The following PHKB variants were observed in gnomAD, a reference collection of about 807,000 sequenced individuals.
The protein encoded by PHKB is phosphorylase b kinase regulatory subunit beta.
In PHKB, 122 loss-of-function variants were observed where a neutral mutation model predicts 152.1. The observed-to-expected ratio is 0.80, with a 90% CI of 0.69 to 0.93. The LOEUF (loss-of-function observed/expected upper bound fraction) is 0.93. Among genes scored for constraint, PHKB ranks in the 40% least tolerant of loss-of-function variants. PHKB has a pLI of 0.00. For synonymous variants in PHKB, 436 were observed against 464.9 expected, an observed-to-expected ratio of 0.94 and a Z score of 0.80; for missense variants, 1,304 against 1,328.4, an observed-to-expected ratio of 0.98 and a Z score of 0.29.
At chr16:47,491,704 T>C (rs539493116) in intron 1 of PHKB, among the ~76,000 whole-genome samples, 2 of 152,296 alleles carry the variant, frequency 1.3e-5, no homozygotes, top group East Asian at 3.9e-4. Context: ...TGAAGTAATT[T>C]CTGATACTCC....
At chr16:47,607,908 G>A (rs1360761215) in intron 13 of PHKB, among the ~76,000 whole-genome samples, 1 of 151,816 alleles carries the variant, frequency 6.6e-6, no homozygotes, top group East Asian at 1.9e-4. Context: ...CCTCATTGTG[G>A]TTTTGATTAG....
At chr16:47,550,745 G>A (rs537149916) in intron 7 of PHKB, among the ~76,000 whole-genome samples, 2 of 152,316 alleles carry the variant, frequency 1.3e-5, no homozygotes, top group Non-Finnish European at 2.9e-5. Context: ...GTGAGTTAGG[G>A]AGGAGTCCCT....
chr16:47,696,263 G>T, intron 28 of PHKB, 118 bp from the exon 29 acceptor site: 1 of 714,902 alleles, frequency 1.4e-6, no homozygotes, highest in Admixed American at 2.0e-5. Context: ...AGCTGAAAAT[G>T]TTCTCCAAGG....
At chr16:47,573,519 C>G (rs1209890357) in intron 7 of PHKB, among the ~76,000 whole-genome samples, 1 of 152,204 alleles carries the variant, frequency 6.6e-6, no homozygotes, top group Non-Finnish European at 1.5e-5. Context: ...ACCCACCCAG[C>G]TCTCACTTTC....
intron 6 of PHKB, among the ~76,000 whole-genome samples, chr16:47,517,828 C>T (rs1044945586): frequency 2.6e-5 from 4 of 151,994 alleles, no homozygotes; most frequent in African/African-American, 9.7e-5. Context: ...AGTTTTTATG[C>T]AGCTAATTAT....
intron 6 of PHKB, among the ~76,000 whole-genome samples, chr16:47,533,898 G>A (rs1354100787): frequency 6.6e-6 from 1 of 151,880 alleles, no homozygotes; most frequent in African/African-American, 2.4e-5. Context: ...GCACCAGGGA[G>A]GGCGGGGCTC....
chr16:47,667,809 G>A (rs1973565804), intron 25 of PHKB, among the ~76,000 whole-genome samples: 1 of 151,856 alleles, frequency 6.6e-6, no homozygotes, highest in East Asian at 1.9e-4. Flanking sequence ...GGTGGGTTAG[G>A]GTTGGTTCTG....
chr16:47,685,581 G>A (rs907617835), intron 26 of PHKB, among the ~76,000 whole-genome samples: 1 of 152,018 alleles, frequency 6.6e-6, no homozygotes, highest in Non-Finnish European at 1.5e-5. Context: ...TCTTAACTGT[G>A]TTACTCCTTG....
At chr16:47,493,576 C>T (rs1970185657) in intron 1 of PHKB, among the ~76,000 whole-genome samples, 1 of 152,128 alleles carries the variant, frequency 6.6e-6, no homozygotes, top group South Asian at 2.1e-4. Flanking sequence ...ATAAATCCAG[C>T]TGGTGTTTCT....
intron 30 of PHKB, 75 bp downstream of exon 30, chr16:47,698,663 A>T: frequency 1.6e-6 from 2 of 1,215,114 alleles, no homozygotes; most frequent in Middle Eastern, 2.7e-4. Flanking sequence ...AATATCCCTA[A>T]TCTCTTTTCA....
intron 14 of PHKB, among the ~76,000 whole-genome samples, chr16:47,637,024 T>G (rs753022729): frequency 1.3e-5 from 2 of 152,168 alleles, no homozygotes; most frequent in Non-Finnish European, 2.9e-5. Flanking sequence ...CTTGGACAGA[T>G]GTAGGGACTA....
At chr16:47,657,356 G>A (rs1309435042) in intron 20 of PHKB, among the ~76,000 whole-genome samples, 2 of 152,148 alleles carry the variant, frequency 1.3e-5, no homozygotes, top group Non-Finnish European at 2.9e-5. Flanking sequence ...TTGACCATAT[G>A]GGACTTAAAT....
At chr16:47,462,098 G>C (rs1237430105) in intron 1 of PHKB, 1 of 152,196 alleles carries the variant, frequency 6.6e-6, no homozygotes, top group African/African-American at 2.4e-5. Context: ...CAAGTGTCCC[G>C]AACTGACTTG....
chr16:47,660,488 T>G lies in PHKB; in HGVS notation c.1972-18T>G. On this transcript the variant is annotated intron_variant, in intron 20 of 30. Coordinates refer to ENST00000323584, the MANE Select transcript of PHKB (RefSeq NM_000293.3). ...TGATGTATCTAAGAGTTTCTAATCT[T>G]TTTCGATCACGTTTCAGACACTAAT... 6.2e-7 allele frequency: 1 copy of G among 1,607,444 alleles called. No homozygotes were observed. The highest frequency in any genetic ancestry group is 8.5e-7 in the Non-Finnish European group (1 of 1,174,038).
chr16:47,499,998 C>A, intron 3 of PHKB, 104 bp downstream of exon 3: 1 of 1,287,304 alleles, frequency 7.8e-7, no homozygotes, highest in Non-Finnish European at 1.1e-6. Context: ...TGCTGACTCA[C>A]TGTGCGACCT....
intron 1 of PHKB, among the ~76,000 whole-genome samples, chr16:47,483,200 A>G (rs900069128): frequency 1.3e-5 from 2 of 149,282 alleles, no homozygotes; most frequent in African/African-American, 5.0e-5. Flanking sequence ...CACCACACCC[A>G]GCTAAGCTTT....
At chr16:47,685,186 G>T (rs1973940400) in intron 26 of PHKB, among the ~76,000 whole-genome samples, 1 of 152,160 alleles carries the variant, frequency 6.6e-6, no homozygotes, top group African/African-American at 2.4e-5. Context: ...CAGCACTTTG[G>T]GAGGCCGAGG....
At chr16:47,506,185 CAA>C (rs1271698464) in intron 4 of PHKB, among the ~76,000 whole-genome samples, 2 of 125,594 alleles carry the variant, frequency 1.6e-5, no homozygotes, top group Non-Finnish European at 3.4e-5. Flanking sequence ...GACTCCGCCT[CAA>C]AAAAAAAAGA....
intron 6 of PHKB, 115 bp downstream of exon 6, chr16:47,515,716 A>G: frequency 1.5e-6 from 1 of 677,374 alleles, no homozygotes; most frequent in Non-Finnish European, 2.6e-6. Context: ...TGTTACATTT[A>G]TATAATCAGA....
Sources: allele counts gnomAD v4.1 joint callset (sites outside exome capture counted in the v4.1 genomes callset), GRCh38; gene constraint gnomAD v4.1.1; transcripts MANE v1.5; gene names NCBI Gene and HGNC (gene_info 2026-07-23, HGNC 2026-07-21).